The following LRIT3 variants were observed in gnomAD, a reference collection of about 807,000 sequenced individuals.
LRIT3 encodes the protein leucine rich repeat, Ig-like and transmembrane domains 3, also known as leucine-rich repeat, immunoglobulin-like domain and transmembrane domain-containing protein 3.
A neutral mutation model predicts 22.6 loss-of-function variants in LRIT3; 14 were observed. The ratio of observed to expected loss-of-function variants is 0.62; its 90% CI spans 0.41 to 0.97. The LOEUF (loss-of-function observed/expected upper bound fraction) is 0.97. Ranked by LOEUF, LRIT3 falls within the 50% of genes least tolerant of loss-of-function variation. The probability of loss-of-function intolerance (pLI) is 0.00; values close to 1 mark genes in which losing one functional copy is unlikely to be tolerated. For synonymous variants in LRIT3, 306 were observed against 304.5 expected (o/e 1.01, Z -0.05); for missense variants, 783 against 803.0 (o/e 0.98, Z 0.30).
intron 2 of LRIT3, among the ~76,000 whole-genome samples, chr4:109,858,817 G>T (rs1478794373): frequency 1.3e-5 from 2 of 151,998 alleles, no homozygotes; most frequent in South Asian, 4.1e-4. Context: ...TGGCCTTGTG[G>T]GTTATAAGGA....
chr4:109,852,850 G>C (rs1246962249), intron 2 of LRIT3, among the ~76,000 whole-genome samples: 4 of 152,016 alleles, frequency 2.6e-5, no homozygotes, highest in African/African-American at 9.7e-5. Context: ...TTGGTTTTCT[G>C]TTTCTGTGTT....
intron 1 of LRIT3, among the ~76,000 whole-genome samples, chr4:109,850,435 C>CTT (rs373349404): frequency 2.2e-5 from 2 of 90,742 alleles, no homozygotes; most frequent in Admixed American, 2.8e-4. Context: ...TTCTTTCTTT[C>CTT]TTTCTTTCTT....
chr4:109,854,625 G>A (rs1183274402), intron 2 of LRIT3, among the ~76,000 whole-genome samples: 1 of 152,182 alleles, frequency 6.6e-6, no homozygotes, highest in Non-Finnish European at 1.5e-5. Flanking sequence ...GGAGTGGTGA[G>A]AGAGGACATC....
At chr4:109,852,671 G>A (rs1425969388) in intron 2 of LRIT3, among the ~76,000 whole-genome samples, 1 of 152,006 alleles carries the variant, frequency 6.6e-6, no homozygotes, top group African/African-American at 2.4e-5. Flanking sequence ...AACATGCCAT[G>A]GTGGCTTGCT....
At chr4:109,862,489 G>C (rs558171892) in intron 2 of LRIT3, among the ~76,000 whole-genome samples, 1 of 152,210 alleles carries the variant, frequency 6.6e-6, no homozygotes, top group East Asian at 1.9e-4. Flanking sequence ...TCAAGCTGGA[G>C]TAAATAGACA....
intron 3 of LRIT3, 85 bp from the exon 4 acceptor site, chr4:109,869,560 G>C: frequency 7.7e-7 from 1 of 1,302,352 alleles, no homozygotes; most frequent in South Asian, 1.5e-5. Context: ...TGCATGTAGA[G>C]TGGATAGTTG....
chr4:109,867,372 C>A (rs1327978111), intron 2 of LRIT3, among the ~76,000 whole-genome samples: 1 of 151,990 alleles, frequency 6.6e-6, no homozygotes, highest in Non-Finnish European at 1.5e-5. Context: ...TGTGATAATA[C>A]AGGTAAGTGC....
At chr4:109,868,221 C>G (rs527473669) in intron 3 of LRIT3, among the ~76,000 whole-genome samples, 3 of 152,260 alleles carry the variant, frequency 2.0e-5, no homozygotes, top group Non-Finnish European at 4.4e-5. Flanking sequence ...TGTCTTGCTT[C>G]ATCAACTTGG....
chr4:109,870,885 G>A lies in LRIT3; in HGVS notation c.*96G>A. The stretch of plus-strand genomic sequence containing the variant: ...TGACTTTTGGACAGACTTTCACATT[G>A]TACATGAAAATCACAAATGGAATGC... On this transcript the variant is annotated 3_prime_UTR_variant, in exon 4 of 4. Coordinates refer to ENST00000594814, the MANE Select transcript of LRIT3 (RefSeq NM_198506.5). 1 of 1,269,012 alleles carries A rather than the reference G, an allele frequency of 7.9e-7. No homozygotes were observed. The highest frequency in any genetic ancestry group is 1.1e-6 in the Non-Finnish European group (1 of 938,130). 78.6% of individuals were successfully genotyped at this position (1,269,012 alleles called of 1,614,324 possible).
intron 3 of LRIT3, among the ~76,000 whole-genome samples, chr4:109,869,349 C>T (rs1734762098): frequency 6.6e-6 from 1 of 152,186 alleles, no homozygotes; most frequent in Non-Finnish European, 1.5e-5. Context: ...TTATCTACAA[C>T]CAAACACTGT....
rs184660849 is a variant in LRIT3 at position 109,850,715 on chromosome 4, G to A, written c.117-789G>A. Among the ~76,000 whole-genome samples the A allele has an allele frequency of 2.2e-3, 339 of 151,838 alleles. 2 individuals carry two copies. The highest frequency in any genetic ancestry group is 7.8e-3 in the African/African-American group (321 of 41,386). ...TGGTCTCAAACATCTGACCTCAGGT[G>A]ATCTGCCCACCTTGACCTCCCAAAG... On this transcript the variant is annotated intron_variant, in intron 1 of 3. Coordinates refer to ENST00000594814, the MANE Select transcript of LRIT3 (RefSeq NM_198506.5).
chr4:109,865,235 A>G, intron 2 of LRIT3: 1 of 1,546,480 alleles, frequency 6.5e-7, no homozygotes, highest in Admixed American at 1.9e-5. Flanking sequence ...AGAATTAACT[A>G]ATGGTTGAGC....
chr4:109,865,634 A>G (rs1050114368), intron 2 of LRIT3, among the ~76,000 whole-genome samples: 5 of 152,198 alleles, frequency 3.3e-5, no homozygotes, highest in Non-Finnish European at 7.3e-5. Context: ...AAATGACTAT[A>G]TTTTACAAAA....
chr4:109,868,551 TA>T (rs11387409), intron 3 of LRIT3, among the ~76,000 whole-genome samples: 6,931 of 122,092 alleles, frequency 0.057, 305 homozygotes, highest in African/African-American at 0.15. Flanking sequence ...AAGACTGTCT[TA>T]AAAAAAAAAA....
chr4:109,856,221 C>T (rs937638989), intron 2 of LRIT3, among the ~76,000 whole-genome samples: 2 of 152,136 alleles, frequency 1.3e-5, no homozygotes, highest in African/African-American at 2.4e-5. Context: ...TTTGTACTTA[C>T]AATTATCAGA....
At chr4:109,855,043 G>A (rs900908012) in intron 2 of LRIT3, among the ~76,000 whole-genome samples, 5 of 152,032 alleles carry the variant, frequency 3.3e-5, no homozygotes, top group Admixed American at 3.3e-4. Context: ...TTTTTTTGTG[G>A]TGTCTCTGCC....
intron 2 of LRIT3, among the ~76,000 whole-genome samples, chr4:109,863,983 A>C (rs1046195092): frequency 2.0e-5 from 3 of 152,208 alleles, no homozygotes; most frequent in African/African-American, 7.2e-5. Context: ...AAAGAAAAAA[A>C]TCTGGCATAA....
Position 109,870,824 on chromosome 4 carries a change from C to T in LRIT3, c.*35C>T, listed in dbSNP as rs953561077. 3.2e-6 allele frequency: 5 copies of T among 1,539,630 alleles called. No individual in the cohort carries two copies. In the African/African-American group the frequency reaches 5.5e-5, roughly 17 times the overall value. ...GCTCAGGTGCATGTGAGCTACAAAA[C>T]TAGCATCTAAGGGTATAATTGACCC... On this transcript the variant is annotated 3_prime_UTR_variant, in exon 4 of 4. Coordinates refer to ENST00000594814, the MANE Select transcript of LRIT3 (RefSeq NM_198506.5).
At chr4:109,850,355 C>CCTTCCTTCT (rs1734184719) in intron 1 of LRIT3, among the ~76,000 whole-genome samples, 14 of 376 alleles carry the variant, frequency 0.037, no homozygotes, top group Admixed American at 0.27. Context: ...ACAGTGTTGT[C>CCTTCCTTCT]TTCCTTCCTT....
Sources: gnomAD v4.1 joint callset for allele counts (sites outside exome capture counted in the v4.1 genomes callset) on GRCh38, gnomAD v4.1.1 for gene constraint, MANE v1.5 for transcripts, NCBI Gene and HGNC (gene_info 2026-07-23, HGNC 2026-07-21) for gene names.